Variants in UCK2 observed in about 807,000 individuals in gnomAD.
The protein encoded by UCK2 is cytidine monophosphokinase 2.
UCK2 carries 6 observed loss-of-function variants against 30.8 expected under a neutral mutation model. The ratio of observed to expected loss-of-function variants is 0.19; its 90% CI spans 0.11 to 0.38. UCK2 has a LOEUF of 0.38. Ranked by LOEUF, UCK2 falls within the 10% of genes least tolerant of loss-of-function variation. The pLI is 1.00. For missense variants in UCK2, 210 were observed against 339.8 expected (o/e 0.62, Z 3.00); for synonymous variants, 125 against 133.6 (o/e 0.94, Z 0.45).
chr1:165,871,477 T>C (rs1655195569), intron 1 of UCK2, among the ~76,000 whole-genome samples: 1 of 152,174 alleles, frequency 6.6e-6, no homozygotes, highest in Non-Finnish European at 1.5e-5. Flanking sequence ...TTTGTAACGC[T>C]CTGTATATGC....
chr1:165,888,513 A>G (rs935359920), intron 1 of UCK2, among the ~76,000 whole-genome samples: 1 of 152,124 alleles, frequency 6.6e-6, no homozygotes, highest in Non-Finnish European at 1.5e-5. Context: ...GCTAGTCTCA[A>G]ACTGACTTCA....
rs536195928 is a variant in UCK2 at position 165,883,452 on chromosome 1, G to A, written c.100-6752G>A. 5.9e-5 allele frequency among the ~76,000 whole-genome samples: 9 copies of A among 152,228 alleles called. No individual in the cohort carries two copies. The South Asian group carries it at 1.9e-3, about 32-fold the overall frequency. Reference sequence around the variant, plus strand: ...TGACATTTCTATTTAACAGACATTTGGGAGACACACCCCCACCCCCCAGTC... The same window carrying A: ...TGACATTTCTATTTAACAGACATTTAGGAGACACACCCCCACCCCCCAGTC... On this transcript the variant is annotated intron_variant, in intron 1 of 6. Transcript: ENST00000367879.
At chr1:165,848,442 G>A (rs995800512) in intron 1 of UCK2, among the ~76,000 whole-genome samples, 5 of 152,156 alleles carry the variant, frequency 3.3e-5, no homozygotes, top group African/African-American at 1.2e-4. Context: ...CACCAGCCTG[G>A]CCAACATGGT....
At chr1:165,863,741 A>AG (rs1454815617) in intron 1 of UCK2, among the ~76,000 whole-genome samples, 2 of 152,244 alleles carry the variant, frequency 1.3e-5, no homozygotes, top group Non-Finnish European at 2.9e-5. Context: ...AACCTCTAGC[A>AG]GGGTGCTCTA....
intron 1 of UCK2, among the ~76,000 whole-genome samples, chr1:165,866,489 A>G (rs78559853): frequency 0.021 from 3,246 of 152,286 alleles, 53 homozygotes; most frequent in East Asian, 0.054. Context: ...AGTGGCAGTG[A>G]GAGGAATAAT....
chr1:165,837,644 G>A (rs1242362768), intron 1 of UCK2, among the ~76,000 whole-genome samples: 1 of 152,138 alleles, frequency 6.6e-6, no homozygotes, highest in Non-Finnish European at 1.5e-5. Context: ...TGCTTGTTTA[G>A]TCTATCTTCT....
chr1:165,844,185 C>T (rs1326675432), intron 1 of UCK2, among the ~76,000 whole-genome samples: 2 of 152,242 alleles, frequency 1.3e-5, no homozygotes, highest in Non-Finnish European at 2.9e-5. Context: ...AAAAAACCTA[C>T]TCTGCTCTAT....
chr1:165,896,301 T>C lies in UCK2; in HGVS notation c.468T>C (p.Asp156=). ...RDLFQMKLFV[D]TDADTRLSRR... Reference sequence around the variant, plus strand: ...TGTTCCAGATGAAGCTTTTTGTGGATACAGATGCGGACACCCGGCTCTCAC... The same window carrying C: ...TGTTCCAGATGAAGCTTTTTGTGGACACAGATGCGGACACCCGGCTCTCAC... Residue 156 remains aspartate (D), a synonymous_variant, in exon 4 of 7, where the codon GAT becomes GAC. Transcript: ENST00000367879. The C allele has an allele frequency of 6.2e-7, 1 of 1,614,208 alleles. No homozygotes were observed.
At chr1:165,833,818 G>A (rs775330065) in intron 1 of UCK2, among the ~76,000 whole-genome samples, 1 of 152,064 alleles carries the variant, frequency 6.6e-6, no homozygotes, top group Non-Finnish European at 1.5e-5. Flanking sequence ...ACTTTTATAT[G>A]TGAGTGTGTA....
At chr1:165,902,592 A>ACTTTTTTTTTT (rs1647513972) in intron 4 of UCK2, 1 of 45,758 alleles carries the variant, frequency 2.2e-5, no homozygotes, top group Non-Finnish European at 3.8e-5. Context: ...TCACTGAGTG[A>ACTTTTTTTTTT]TTTTTTTTTT....
At chr1:165,877,389 A>C (rs1300400182) in intron 1 of UCK2, among the ~76,000 whole-genome samples, 1 of 152,192 alleles carries the variant, frequency 6.6e-6, no homozygotes, top group Non-Finnish European at 1.5e-5. Flanking sequence ...AAGATACAGA[A>C]CACTTCCATC....
At chr1:165,842,956 G>T (rs1237359938) in intron 1 of UCK2, among the ~76,000 whole-genome samples, 2 of 152,174 alleles carry the variant, frequency 1.3e-5, no homozygotes, top group Non-Finnish European at 1.5e-5. Flanking sequence ...GTGTGTTGAT[G>T]CTGCTGCTTC....
chr1:165,851,703 T>A (rs1654601109), intron 1 of UCK2, among the ~76,000 whole-genome samples: 1 of 152,044 alleles, frequency 6.6e-6, no homozygotes, highest in Admixed American at 6.6e-5. Flanking sequence ...TGTGCCATGG[T>A]GGTTTGCTGC....
intron 1 of UCK2, among the ~76,000 whole-genome samples, chr1:165,867,063 A>T (rs1466015267): frequency 6.6e-6 from 1 of 152,238 alleles, no homozygotes; most frequent in Non-Finnish European, 1.5e-5. Context: ...TTTCCAGTGC[A>T]CGTAAAAGTT....
intron 4 of UCK2, chr1:165,900,329 A>C (rs976060294): frequency 6.6e-6 from 1 of 152,362 alleles, no homozygotes; most frequent in East Asian, 1.9e-4. Flanking sequence ...AGTTTTATGC[A>C]CATCTCTGTA....
chr1:165,886,702 TAC>T (rs920333500), intron 1 of UCK2, among the ~76,000 whole-genome samples: 1 of 152,226 alleles, frequency 6.6e-6, no homozygotes, highest in African/African-American at 2.4e-5. Context: ...GTGAAAGAGA[TAC>T]AGAGGTGAGT....
chr1:165,851,051 A>G (rs1020392004), intron 1 of UCK2, among the ~76,000 whole-genome samples: 2 of 149,808 alleles, frequency 1.3e-5, no homozygotes, highest in South Asian at 4.3e-4. Context: ...GGTGTGAGCC[A>G]GTGCACCCAG....
chr1:165,883,365 A>G (rs1655546715), intron 1 of UCK2, among the ~76,000 whole-genome samples: 1 of 152,184 alleles, frequency 6.6e-6, no homozygotes, highest in South Asian at 2.1e-4. Flanking sequence ...GCTTGAGTCC[A>G]GGAGTTCGAG....
intron 3 of UCK2, chr1:165,894,439 C>G (rs1366850300): frequency 1.3e-5 from 2 of 152,192 alleles, no homozygotes; most frequent in African/African-American, 4.8e-5. Context: ...ACACCATTTT[C>G]TGGCAGCTGA....
Sources: gnomAD v4.1 joint callset for allele counts (sites outside exome capture counted in the v4.1 genomes callset) on GRCh38, gnomAD v4.1.1 for gene constraint, MANE v1.5 for transcripts, NCBI Gene and HGNC (gene_info 2026-07-23, HGNC 2026-07-21) for gene names.